Variants in LYZL4 observed in about 807,000 individuals in gnomAD.
LYZL4 encodes the protein lysozyme like 4, also known as lysozyme-like protein 4.
Under a neutral mutation model 17.6 loss-of-function variants are expected in LYZL4, and 13 were observed. The observed-to-expected ratio is 0.74, with a 90% CI of 0.48 to 1.18. The LOEUF (loss-of-function observed/expected upper bound fraction) is 1.18, where lower values mean the gene tolerates loss of function less well. Among genes scored for constraint, LYZL4 ranks in the 50% most tolerant of loss-of-function variants. The pLI is 0.00. For missense variants in LYZL4, 174 were observed against 188.2 expected (o/e 0.92, Z 0.44); for synonymous variants, 64 against 67.7 (o/e 0.95, Z 0.27).
At position 42,407,223 on chromosome 3, in the gene LYZL4, A is replaced by G; in HGVS notation, c.29T>C (p.Leu10Pro). 6.2e-7 allele frequency: 1 copy of G among 1,614,176 alleles called. No individual in the cohort carries two copies. Among genetic ancestry groups the G allele is most frequent in the South Asian group, 1.1e-5 (1 of 91,078 alleles). Residue 10 changes from leucine (L) to proline (P), a missense_variant, in exon 2 of 5, where the codon CTT becomes CCT. Physicochemically the swap from Leu to Pro is moderately conservative, Grantham distance 98 (BLOSUM62 -3). Coordinates refer to ENST00000287748, the MANE Select transcript of LYZL4 (RefSeq NM_144634.4). ...ACCACTTGGAACCACCAGGTAGCCA[A>G]GGAGGGAGAGAACCACGGATGCCTT... is the stretch of plus-strand genomic sequence containing the variant. MKASVVLSLLGYLVVPSGAY... is the reference protein window; with the variant it reads MKASVVLSLPGYLVVPSGAY...
intron 4 of LYZL4, among the ~76,000 whole-genome samples, chr3:42,397,985 G>A (rs188580882): frequency 2.2e-4 from 33 of 152,226 alleles, no homozygotes; most frequent in African/African-American, 7.7e-4. Context: ...CCAGCTGTAC[G>A]CCATTAGAAA....
At chr3:42,373,541 G>T in the LYZL4 span, among the ~76,000 whole-genome samples, 18 of 152,182 alleles carry the variant, frequency 1.2e-4, no homozygotes, top group Admixed American at 6.5e-5. Context: ...GCATGGGCGT[G>T]GGGGAGGGTG....
At chr3:42,379,405 C>T in the LYZL4 span, among the ~76,000 whole-genome samples, 3 of 152,234 alleles carry the variant, frequency 2.0e-5, no homozygotes, top group Non-Finnish European at 2.9e-5. Context: ...GTAACTTCCA[C>T]TGTATTCTAA....
the LYZL4 span, among the ~76,000 whole-genome samples, chr3:42,385,582 T>G: frequency 6.6e-6 from 1 of 152,206 alleles, no homozygotes; most frequent in East Asian, 1.9e-4. Context: ...TGCCTGTAAA[T>G]AAATCCCCTA....
the LYZL4 span, among the ~76,000 whole-genome samples, chr3:42,361,022 A>G: frequency 0.13 from 19,557 of 152,214 alleles, 3,012 homozygotes; most frequent in African/African-American, 0.36. Context: ...GTGAAAAGCC[A>G]TATTCAGAGA....
At chr3:42,364,100 T>C in the LYZL4 span, among the ~76,000 whole-genome samples, 1 of 152,116 alleles carries the variant, frequency 6.6e-6, no homozygotes, top group Non-Finnish European at 1.5e-5. Flanking sequence ...CCCACCTACC[T>C]CCCTATCTCC....
the LYZL4 span, among the ~76,000 whole-genome samples, chr3:42,363,414 T>C: frequency 6.6e-6 from 1 of 152,190 alleles, no homozygotes; most frequent in Admixed American, 6.5e-5. Context: ...AGGGGTGAAG[T>C]ATCGTGATAG....
the LYZL4 span, among the ~76,000 whole-genome samples, chr3:42,385,304 T>C: frequency 6.6e-6 from 1 of 152,154 alleles, no homozygotes; most frequent in Non-Finnish European, 1.5e-5. Context: ...AAGATTACAA[T>C]ACCATATTTT....
chr3:42,398,611 C>T (rs1698597699), intron 4 of LYZL4, among the ~76,000 whole-genome samples: 1 of 152,116 alleles, frequency 6.6e-6, no homozygotes, highest in African/African-American at 2.4e-5. Flanking sequence ...ACCTGAGTCC[C>T]TACACCTCAC....
At chr3:42,405,014 T>G (rs1698723868) in intron 3 of LYZL4, among the ~76,000 whole-genome samples, 1 of 152,184 alleles carries the variant, frequency 6.6e-6, no homozygotes, top group South Asian at 2.1e-4. Context: ...ATGTCCCCAT[T>G]TGGAGGACCT....
At chr3:42,387,253 C>T in the LYZL4 span, among the ~76,000 whole-genome samples, 1 of 152,102 alleles carries the variant, frequency 6.6e-6, no homozygotes. Context: ...AAGTACCATG[C>T]CCGAGGTCAG....
the LYZL4 span, among the ~76,000 whole-genome samples, chr3:42,377,635 G>C: frequency 3.6e-4 from 51 of 142,924 alleles, no homozygotes; most frequent in African/African-American, 6.6e-4. Context: ...CTGTGTGTGT[G>C]TGTGTGTGTG....
the LYZL4 span, among the ~76,000 whole-genome samples, chr3:42,364,178 C>T: frequency 6.6e-6 from 1 of 152,180 alleles, no homozygotes; most frequent in Non-Finnish European, 1.5e-5. Flanking sequence ...GGGCTTTCTG[C>T]TCCACCCCTG....
At chr3:42,370,916 C>T in the LYZL4 span, among the ~76,000 whole-genome samples, 1 of 152,214 alleles carries the variant, frequency 6.6e-6, no homozygotes, top group Non-Finnish European at 1.5e-5. Flanking sequence ...ATGGTCATTT[C>T]CAGCCTTTTC....
chr3:42,397,769 C>A (rs998611285), intron 4 of LYZL4, among the ~76,000 whole-genome samples: 2 of 152,176 alleles, frequency 1.3e-5, no homozygotes, highest in African/African-American at 4.8e-5. Context: ...GGCCAGGGCC[C>A]CTTTCACCTT....
chr3:42,390,251 G>C, the LYZL4 span, among the ~76,000 whole-genome samples: 1 of 152,180 alleles, frequency 6.6e-6, no homozygotes, highest in African/African-American at 2.4e-5. Flanking sequence ...GTGAATGCTT[G>C]CCTTAAGATG....
At chr3:42,380,924 C>G in the LYZL4 span, among the ~76,000 whole-genome samples, 1 of 152,174 alleles carries the variant, frequency 6.6e-6, no homozygotes, top group Non-Finnish European at 1.5e-5. Context: ...TGGCTTTGGC[C>G]AATGGAATGT....
chr3:42,378,360 CT>C, the LYZL4 span, among the ~76,000 whole-genome samples: 1 of 152,256 alleles, frequency 6.6e-6, no homozygotes, highest in African/African-American at 2.4e-5. Context: ...CAAGAATTTC[CT>C]TTGCCAAAGT....
At chr3:42,369,664 A>T in the LYZL4 span, among the ~76,000 whole-genome samples, 18 of 152,362 alleles carry the variant, frequency 1.2e-4, no homozygotes, top group African/African-American at 4.3e-4. Context: ...CTTCAGCATC[A>T]AACTTTGGGA....
Sources: allele counts gnomAD v4.1 joint callset (sites outside exome capture counted in the v4.1 genomes callset), GRCh38; gene constraint gnomAD v4.1.1; transcripts MANE v1.5; gene names NCBI Gene and HGNC (gene_info 2026-07-23, HGNC 2026-07-21).